The following KDM1B variants were observed in gnomAD, a reference collection of about 807,000 sequenced individuals.
KDM1B encodes the protein lysine-specific histone demethylase 2.
A neutral mutation model predicts 107.4 loss-of-function variants in KDM1B; 63 were observed. That is an observed-to-expected ratio of 0.59 (90% CI 0.48 to 0.72). The LOEUF (loss-of-function observed/expected upper bound fraction) is 0.72, where lower values mean the gene tolerates loss of function less well. KDM1B is among the 30% of genes least tolerant of loss of function. The probability of loss-of-function intolerance (pLI) is 0.00; values close to 1 mark genes in which losing one functional copy is unlikely to be tolerated. For synonymous variants in KDM1B, 363 were observed against 363.9 expected, an observed-to-expected ratio of 1.00 and a Z score of 0.03; for missense variants, 749 against 1,020.8, an observed-to-expected ratio of 0.73 and a Z score of 3.63.
intron 7 of KDM1B, among the ~76,000 whole-genome samples, chr6:18,182,698 T>A (rs1252044477): frequency 6.6e-6 from 1 of 152,080 alleles, no homozygotes; most frequent in Admixed American, 6.6e-5. Context: ...CAGCTACTTT[T>A]TTTTAATTTT....
chr6:18,159,847 A>C lies in KDM1B; in HGVS notation c.-13-36A>C. On this transcript the variant is annotated intron_variant, in intron 2 of 21. Transcript: ENST00000650836. This position sits in a 1 kb window ranked among gnomAD's most constrained non-coding sequence, Gnocchi z 4.5. ...TCCAGACTGTTAAAAATATTTGCAG[A>C]TGCTAATATTTAATGGTCTGATTTT... 1 of 1,067,094 alleles carries C rather than the reference A, an allele frequency of 9.4e-7. No individual in the cohort carries two copies. Among genetic ancestry groups the C allele is most frequent in the Non-Finnish European group, 1.4e-6 (1 of 689,972 alleles). 66.1% of individuals were successfully genotyped at this position (1,067,094 alleles called of 1,614,324 possible).
chr6:18,201,502 A>G lies in KDM1B; in HGVS notation c.1376A>G (p.His459Arg), dbSNP rs200486120. The change falls in exon 14 of 22, where the codon CAT (histidine) becomes CGT (arginine). Residue 459 changes from histidine to arginine, a missense_variant. Transcript: ENST00000650836. The surrounding 1 kb of genome is among the most constrained non-coding windows in gnomAD (Gnocchi z 4.3). ...LMCEQLGISM[H>R]KFGERCDLIQ... is the part of the protein sequence containing the mutation. ...ATTTTGAAGCTTGGCATCAGCATGC[A>G]TAAATTTGGAGAAAGATGTGACTTA... is the stretch of plus-strand genomic sequence containing the variant. 1.3e-4 allele frequency: 199 copies of G among 1,548,596 alleles called. No homozygotes were observed. Among genetic ancestry groups the G allele is most frequent in the Middle Eastern group, 1.7e-4 (1 of 5,996 alleles).
At position 18,203,617 on chromosome 6, in the gene KDM1B, C is replaced by T. The variant is rs1472754347; in HGVS notation, c.1532-1920C>T. 6.6e-6 allele frequency among the ~76,000 whole-genome samples: 1 copy of T among 152,144 alleles called. No individual in the cohort carries two copies. The highest frequency in any genetic ancestry group is 1.5e-5 in the Non-Finnish European group (1 of 68,048). ...CCTGTAATCTCAGCACTTTGGGAGG[C>T]CAAGGCGGGTGGATCACCTGAGTTC... On this transcript the variant is annotated intron_variant, in intron 14 of 21. Coordinates refer to ENST00000650836, the MANE Select transcript of KDM1B (RefSeq NM_001364614.2). The surrounding 1 kb of genome is among the most constrained non-coding windows in gnomAD (Gnocchi z 5.5).
intron 16 of KDM1B, among the ~76,000 whole-genome samples, 175 bp from the exon 17 acceptor site, chr6:18,207,957 G>C (rs214597): frequency 0.8 from 121,829 of 152,154 alleles, 49,010 homozygotes; most frequent in African/African-American, 0.86. Flanking sequence ...TATTCTGACA[G>C]AGTATAAATT....
At chr6:18,170,239 A>G (rs1785566402) in intron 6 of KDM1B, among the ~76,000 whole-genome samples, 1 of 152,170 alleles carries the variant, frequency 6.6e-6, no homozygotes, top group Admixed American at 6.5e-5. Flanking sequence ...CTAAGATAGT[A>G]CAGAGAGTTT....
intron 12 of KDM1B, among the ~76,000 whole-genome samples, chr6:18,198,538 A>G (rs779248116): frequency 1.3e-4 from 18 of 141,614 alleles, no homozygotes; most frequent in South Asian, 4.5e-4. Flanking sequence ...CTCCAGTTAA[A>G]TTTTTTTATG....
At chr6:18,169,126 C>T (rs527258708) in intron 6 of KDM1B, among the ~76,000 whole-genome samples, 6 of 152,122 alleles carry the variant, frequency 3.9e-5, no homozygotes, top group South Asian at 2.1e-4. Flanking sequence ...CTCGCCTCGG[C>T]GTCCCAAAGT....
intron 10 of KDM1B, among the ~76,000 whole-genome samples, chr6:18,192,045 G>A (rs900740850): frequency 6.6e-6 from 1 of 152,200 alleles, no homozygotes; most frequent in East Asian, 1.9e-4. Context: ...GATCGCTTGA[G>A]CCTAGGAGTT....
At chr6:18,196,443 C>T (rs1042132839) in intron 10 of KDM1B, among the ~76,000 whole-genome samples, 1 of 152,046 alleles carries the variant, frequency 6.6e-6, no homozygotes, top group African/African-American at 2.4e-5. Context: ...ATTCCACCAA[C>T]AGTGAATAAG....
At chr6:18,194,504 C>T (rs1208152453) in intron 10 of KDM1B, among the ~76,000 whole-genome samples, 1 of 152,166 alleles carries the variant, frequency 6.6e-6, no homozygotes, top group African/African-American at 2.4e-5. Flanking sequence ...GTGTAAATTG[C>T]TATATTTTCC....
chr6:18,215,105 G>T lies in KDM1B; in HGVS notation c.2208G>T (p.Thr736=), dbSNP rs201731177. ...AGGTGCTGCAGCAGTGCATGGCCAC[G>T]CTCCGGGAGCTGTTCAAGGAGCAGG... ...DKQVLQQCMA[T]LRELFKEQEV... is the part of the protein sequence containing the mutation. Residue 736 remains threonine (T), a synonymous_variant, in exon 20 of 22, where the codon ACG becomes ACT. Coordinates refer to ENST00000650836, the MANE Select transcript of KDM1B (RefSeq NM_001364614.2). 10 of 1,613,092 alleles carry T rather than the reference G, an allele frequency of 6.2e-6. No homozygotes were observed. The South Asian group carries it at 7.7e-5, about 12-fold the overall frequency.
intron 7 of KDM1B, among the ~76,000 whole-genome samples, chr6:18,180,817 T>C (rs1261162188): frequency 6.6e-6 from 1 of 152,144 alleles, no homozygotes; most frequent in East Asian, 1.9e-4. Context: ...CCACCTGTCT[T>C]GGCCTCTCAA....
At position 18,201,075 on chromosome 6, in the gene KDM1B, A is replaced by G. The variant is rs214614; in HGVS notation, c.1360-411A>G. ...GTTTATTTGAAGAGTTGGTAGGCCC[A>G]AGACTTTTTCTGAAATGTTTATTGA... On this transcript the variant is annotated intron_variant, in intron 13 of 21. Transcript: ENST00000650836. This position sits in a 1 kb window ranked among gnomAD's most constrained non-coding sequence, Gnocchi z 4.3. Among the ~76,000 whole-genome samples, 11,132 of 152,268 alleles carry G rather than the reference A, an allele frequency of 0.073. 484 individuals are homozygous for G. Among genetic ancestry groups the G allele is most frequent in the South Asian group, 0.22 (1,053 of 4,820 alleles).
At position 18,185,822 on chromosome 6, in the gene KDM1B, C is replaced by T. The variant is rs773919618; in HGVS notation, c.573+12C>T. On this transcript the variant is annotated intron_variant, in intron 8 of 21. Transcript: ENST00000650836. Reference sequence around the variant, plus strand: ...TCCCAGAGGATCTAGTGAGTATTTCCGGATGGTGTGGATTGGGGTTAATTG... The same window carrying T: ...TCCCAGAGGATCTAGTGAGTATTTCTGGATGGTGTGGATTGGGGTTAATTG... The T allele has an allele frequency of 2.2e-5, 36 of 1,612,772 alleles. No individual in the cohort carries two copies. Among genetic ancestry groups the T allele is most frequent in the South Asian group, 3.3e-5 (3 of 91,058 alleles).
chr6:18,187,776 G>T lies in KDM1B; in HGVS notation c.574-16G>T, dbSNP rs1349363827. 4 of 1,506,028 alleles carry T rather than the reference G, an allele frequency of 2.7e-6. No individual in the cohort carries two copies. The African/African-American group carries it at 5.6e-5, about 21-fold the overall frequency. The allele number at this position is 1,506,028 out of a possible 1,614,324, so 93.3% of individuals were successfully genotyped here. Reference sequence around the variant, plus strand: ...GTCTGTCCTTGTCTCTCTTCTTCCTGTCTGGCCCATTGCAGAGAGTATTGG... The same window carrying T: ...GTCTGTCCTTGTCTCTCTTCTTCCTTTCTGGCCCATTGCAGAGAGTATTGG... On this transcript the variant is annotated splice_polypyrimidine_tract_variant and intron_variant, in intron 8 of 21. Transcript: ENST00000650836.
chr6:18,175,395 A>T (rs112634118), intron 7 of KDM1B, among the ~76,000 whole-genome samples: 260 of 152,196 alleles, frequency 1.7e-3, no homozygotes, highest in African/African-American at 6.1e-3. Context: ...CCTTTGTCAG[A>T]TGTATAGGTT....
intron 7 of KDM1B, among the ~76,000 whole-genome samples, chr6:18,178,046 AT>A (rs559292761): frequency 2.2e-4 from 33 of 151,832 alleles, no homozygotes; most frequent in East Asian, 2.1e-3. Flanking sequence ...TAGATACTTA[AT>A]TTTTTTTCCT....
intron 3 of KDM1B, 37 bp downstream of exon 3, chr6:18,160,019 A>G (rs749770712): frequency 1.5e-6 from 2 of 1,370,186 alleles, no homozygotes; most frequent in East Asian, 2.3e-5. Flanking sequence ...GCCTTTTTTG[A>G]GCATGCAGAA....
intron 5 of KDM1B, 128 bp from the exon 6 acceptor site, chr6:18,166,139 C>T: frequency 5.2e-6 from 3 of 581,108 alleles, no homozygotes; most frequent in Non-Finnish European, 9.4e-6. Flanking sequence ...ATAACTTTCT[C>T]TACTTTTATA....
Sources: allele counts gnomAD v4.1 joint callset (sites outside exome capture counted in the v4.1 genomes callset), GRCh38; gene constraint gnomAD v4.1.1; non-coding constraint Gnocchi (gnomAD v3.1); transcripts MANE v1.5; gene names NCBI Gene and HGNC (gene_info 2026-07-23, HGNC 2026-07-21).